The following SPATA17 variants were observed in gnomAD, a reference collection of about 807,000 sequenced individuals.
The protein encoded by SPATA17 is spermatogenesis-associated protein 17.
Under a neutral mutation model 62.2 loss-of-function variants are expected in SPATA17, and 53 were observed. That is an observed-to-expected ratio of 0.85 (90% CI 0.68 to 1.07). SPATA17 has a LOEUF of 1.07. Among genes scored for constraint, SPATA17 ranks in the 50% least tolerant of loss-of-function variants. The pLI is 0.00. For missense variants in SPATA17, 466 were observed against 425.5 expected (o/e 1.10, Z -0.84); for synonymous variants, 146 against 146.8 (o/e 0.99, Z 0.04).
At chr1:217,854,792 A>G (rs530255310) in intron 9 of SPATA17, among the ~76,000 whole-genome samples, 1 of 152,172 alleles carries the variant, frequency 6.6e-6, no homozygotes. Flanking sequence ...TTCTAGAGTG[A>G]CAGGGTTGAG....
At chr1:217,721,701 G>A (rs1571757797) in intron 5 of SPATA17, among the ~76,000 whole-genome samples, 1 of 152,150 alleles carries the variant, frequency 6.6e-6, no homozygotes, top group South Asian at 2.1e-4. Flanking sequence ...TTGAACTTTG[G>A]TCCTTCTAGA....
intron 5 of SPATA17, among the ~76,000 whole-genome samples, chr1:217,728,961 G>C (rs58815000): frequency 0.031 from 4,756 of 152,176 alleles, 225 homozygotes; most frequent in African/African-American, 0.11. Context: ...TAAGCCCCAA[G>C]TTCACTCCAA....
chr1:217,788,961 A>G (rs1320224893), intron 8 of SPATA17, among the ~76,000 whole-genome samples: 2 of 152,198 alleles, frequency 1.3e-5, no homozygotes. Context: ...ATCCTGAGCT[A>G]AATTTGAAGG....
At chr1:217,713,502 T>TCTC (rs1379108881) in intron 5 of SPATA17, among the ~76,000 whole-genome samples, 1 of 152,196 alleles carries the variant, frequency 6.6e-6, no homozygotes, top group African/African-American at 2.4e-5. Context: ...GTATTGAGTT[T>TCTC]CTCCAAAGAA....
chr1:217,706,290 T>C (rs1671733080), intron 5 of SPATA17, among the ~76,000 whole-genome samples: 1 of 152,210 alleles, frequency 6.6e-6, no homozygotes, highest in Non-Finnish European at 1.5e-5. Context: ...GTAAATTGCT[T>C]TGGGCAGTGT....
rs58138326 is a variant in SPATA17, at chr1:217,705,430, C to CTTTTTTTT, written c.395+22090_395+22097dup. ...TTTATCTCAATTAGATTCTAGTTGTCTTTTTTTTTTTTTTTTTTTTTTTTT... is the reference window on the plus strand; with the variant it reads ...TTTATCTCAATTAGATTCTAGTTGTCTTTTTTTTTTTTTTTTTTTTTTTTTTTTTTTTT... On this transcript the variant is annotated intron_variant, in intron 5 of 10. Transcript: ENST00000366933. 2.2e-3 allele frequency among the ~76,000 whole-genome samples: 101 copies of CTTTTTTTT among 46,630 alleles called. 22 individuals are homozygous for CTTTTTTTT. Among genetic ancestry groups the CTTTTTTTT allele is most frequent in the Non-Finnish European group, 2.4e-3 (67 of 27,490 alleles). 30.6% of individuals were successfully genotyped at this position (46,630 alleles called of 152,430 possible). A position where few individuals can be genotyped will look rare whatever the true frequency, so the allele number is the denominator to read the frequency against.
At chr1:217,689,160 T>A (rs1323752742) in intron 5 of SPATA17, among the ~76,000 whole-genome samples, 1 of 151,002 alleles carries the variant, frequency 6.6e-6, no homozygotes, top group African/African-American at 2.4e-5. Context: ...TTATAGAGCT[T>A]AAAGCTTAGT....
At chr1:217,793,699 A>G (rs1359418776) in intron 8 of SPATA17, among the ~76,000 whole-genome samples, 1 of 152,216 alleles carries the variant, frequency 6.6e-6, no homozygotes, top group Non-Finnish European at 1.5e-5. Context: ...AGATATTGGC[A>G]GAATACGAGT....
chr1:217,666,031 T>C (rs530050354), intron 3 of SPATA17, among the ~76,000 whole-genome samples: 4 of 152,154 alleles, frequency 2.6e-5, no homozygotes, highest in African/African-American at 4.8e-5. Context: ...TTTTTCTTCA[T>C]TTATTCAACA....
chr1:217,760,494 T>C (rs1160319046), intron 6 of SPATA17, among the ~76,000 whole-genome samples: 1 of 152,166 alleles, frequency 6.6e-6, no homozygotes, highest in Non-Finnish European at 1.5e-5. Flanking sequence ...AAGGGCTCAG[T>C]GTTCTGAAAA....
At chr1:217,829,795 T>C (rs1040190898) in intron 9 of SPATA17, among the ~76,000 whole-genome samples, 16 of 151,846 alleles carry the variant, frequency 1.1e-4, no homozygotes, top group Non-Finnish European at 1.5e-4. Flanking sequence ...TATATATTTA[T>C]ATATAGGTCA....
chr1:217,749,985 C>A (rs796862288), intron 6 of SPATA17, among the ~76,000 whole-genome samples: 4,466 of 12,044 alleles, frequency 0.37, 1,053 homozygotes, highest in East Asian at 0.53. Flanking sequence ...CTCTCTCTCT[C>A]TATATATATA....
In SPATA17 at chr1:217,643,880, C is replaced by T. The variant is rs1394494547; in HGVS notation, c.69-5002C>T. On this transcript the variant is annotated intron_variant, in intron 1 of 10. Transcript: ENST00000366933. ...AGTAGCTGGGATTACAGGCACCCAC[C>T]ATCATGTCTGGCTAATTTTTGTATT... Among the ~76,000 whole-genome samples the T allele has an allele frequency of 1.3e-5, 2 of 151,988 alleles. 1 individual carries two copies. The highest frequency in any genetic ancestry group is 1.3e-4 in the Admixed American group (2 of 15,236).
chr1:217,840,849 A>G (rs1675378172), intron 9 of SPATA17, among the ~76,000 whole-genome samples: 1 of 151,930 alleles, frequency 6.6e-6, no homozygotes, highest in Admixed American at 6.6e-5. Context: ...ACACAGTGAG[A>G]CCCTGTCTCA....
intron 5 of SPATA17, among the ~76,000 whole-genome samples, chr1:217,701,167 G>A (rs1478115726): frequency 2.0e-5 from 3 of 151,132 alleles, no homozygotes; most frequent in Non-Finnish European, 4.4e-5. Context: ...TGGAGATGGG[G>A]TTTCACCATG....
intron 1 of SPATA17, among the ~76,000 whole-genome samples, chr1:217,633,012 A>C (rs1351084454): frequency 6.6e-6 from 1 of 152,120 alleles, no homozygotes; most frequent in Admixed American, 6.5e-5. Flanking sequence ...AGACTGGCCA[A>C]CATGGCAAAA....
At chr1:217,814,113 A>G (rs1024087095) in intron 9 of SPATA17, among the ~76,000 whole-genome samples, 3 of 152,150 alleles carry the variant, frequency 2.0e-5, no homozygotes, top group Admixed American at 6.6e-5. Flanking sequence ...TGTGTCTAAG[A>G]TTCTCAAAAG....
intron 5 of SPATA17, among the ~76,000 whole-genome samples, chr1:217,685,302 A>C (rs946190906): frequency 6.6e-6 from 1 of 152,306 alleles, no homozygotes; most frequent in South Asian, 2.1e-4. Context: ...AATAGGAGAA[A>C]GTCAAGGAGG....
chr1:217,758,912 G>A (rs1214232315), intron 6 of SPATA17, among the ~76,000 whole-genome samples: 1 of 152,164 alleles, frequency 6.6e-6, no homozygotes, highest in Non-Finnish European at 1.5e-5. Context: ...CTGGATGATG[G>A]GGATGTATGA....
Sources: gnomAD v4.1 joint callset for allele counts (sites outside exome capture counted in the v4.1 genomes callset) on GRCh38, gnomAD v4.1.1 for gene constraint, MANE v1.5 for transcripts, NCBI Gene and HGNC (gene_info 2026-07-23, HGNC 2026-07-21) for gene names.